The following KALRN variants were observed in gnomAD, a reference collection of about 807,000 sequenced individuals.
KALRN encodes the protein kalirin RhoGEF kinase.
In KALRN, 70 loss-of-function variants were observed where a neutral mutation model predicts 353.7. That is an observed-to-expected ratio of 0.20 (90% CI 0.16 to 0.24). The LOEUF is 0.24. Among genes scored for constraint, KALRN ranks in the 10% least tolerant of loss-of-function variants. The pLI, the probability that KALRN is intolerant of heterozygous loss-of-function variation, is 1.00. For synonymous variants in KALRN, 1,391 were observed against 1,434.8 expected (o/e 0.97, Z 0.69); for missense variants, 2,791 against 3,756.7 (o/e 0.74, Z 6.72).
At chr3:124,666,104 T>C (rs957229234) in intron 45 of KALRN, among the ~76,000 whole-genome samples, 5 of 152,178 alleles carry the variant, frequency 3.3e-5, no homozygotes, top group Non-Finnish European at 7.3e-5. Context: ...AAGTGTCACC[T>C]ACTTTCTATT....
chr3:124,224,751 G>A (rs1284287933), intron 1 of KALRN, among the ~76,000 whole-genome samples: 1 of 152,140 alleles, frequency 6.6e-6, no homozygotes, highest in Non-Finnish European at 1.5e-5. Context: ...ATCTTGTTAG[G>A]GAATTTATTC....
intron 27 of KALRN, among the ~76,000 whole-genome samples, chr3:124,479,865 A>C (rs2061803936): frequency 1.3e-5 from 2 of 151,818 alleles, no homozygotes; most frequent in Admixed American, 1.3e-4. Flanking sequence ...CTGGGACTAC[A>C]GGCACCCACC....
chr3:124,632,817 C>A, intron 35 of KALRN, 114 bp downstream of exon 35: 1 of 1,020,134 alleles, frequency 9.8e-7, no homozygotes, highest in East Asian at 2.4e-5. Context: ...TACCTTGAGC[C>A]TAAGTGATTT....
chr3:124,596,750 A>G (rs2076303091), intron 34 of KALRN, among the ~76,000 whole-genome samples: 1 of 152,152 alleles, frequency 6.6e-6, no homozygotes, highest in South Asian at 2.1e-4. Flanking sequence ...TATTACTATC[A>G]TTAATAAGTA....
intron 1 of KALRN, among the ~76,000 whole-genome samples, chr3:124,052,442 C>T (rs1171538342): frequency 6.6e-6 from 1 of 152,030 alleles, no homozygotes; most frequent in African/African-American, 2.4e-5. Flanking sequence ...TTCCAAGGTA[C>T]AGGGAGGACT....
At chr3:124,534,388 G>A (rs973853048) in intron 33 of KALRN, among the ~76,000 whole-genome samples, 2 of 152,148 alleles carry the variant, frequency 1.3e-5, no homozygotes, top group African/African-American at 4.8e-5. Flanking sequence ...TGGGGGGCCA[G>A]GGGAGGGAGA....
rs553087128 is a variant in KALRN, at chr3:124,249,218, G to A, written c.263+14275G>A. On this transcript the variant is annotated intron_variant, in intron 3 of 59. Coordinates refer to ENST00000682506, the MANE Select transcript of KALRN (RefSeq NM_001388419.1). ...TTGGCTGAATTTGCAGATTAATGGG[G>A]TGGGGAATGGGGGAGGGACCCAGTT... Among the ~76,000 whole-genome samples the A allele has an allele frequency of 5.8e-4, 89 of 152,326 alleles. 3 individuals carry two copies. The highest frequency in any genetic ancestry group is 1.2e-3 in the Admixed American group (19 of 15,300).
intron 33 of KALRN, among the ~76,000 whole-genome samples, chr3:124,520,490 C>G (rs1291578014): frequency 6.6e-6 from 1 of 152,060 alleles, no homozygotes; most frequent in Non-Finnish European, 1.5e-5. Flanking sequence ...GTCCCCAACC[C>G]CTGGGCTGCA....
chr3:124,203,411 T>C (rs1157941288), intron 1 of KALRN, among the ~76,000 whole-genome samples: 2 of 152,182 alleles, frequency 1.3e-5, no homozygotes, highest in Admixed American at 6.5e-5. Flanking sequence ...TTTCAGGTCA[T>C]GTAGTGAGTT....
At chr3:124,401,430 A>C (rs1388314811) in intron 13 of KALRN, among the ~76,000 whole-genome samples, 1 of 152,238 alleles carries the variant, frequency 6.6e-6, no homozygotes, top group Non-Finnish European at 1.5e-5. Context: ...ACTTGAGCCC[A>C]GGAGGCGGAG....
intron 45 of KALRN, among the ~76,000 whole-genome samples, chr3:124,662,927 C>T (rs777745138): frequency 2.1e-4 from 32 of 151,608 alleles, no homozygotes; most frequent in Non-Finnish European, 4.0e-4. Flanking sequence ...TGTATCTTCA[C>T]ATTCCCTTCC....
At chr3:124,594,756 C>T (rs1282713298) in intron 34 of KALRN, among the ~76,000 whole-genome samples, 1 of 152,084 alleles carries the variant, frequency 6.6e-6, no homozygotes, top group Non-Finnish European at 1.5e-5. Flanking sequence ...TCTGCAGGAC[C>T]AGTGAATGAT....
chr3:124,655,882 G>A (rs898845484), intron 39 of KALRN, among the ~76,000 whole-genome samples: 26 of 152,214 alleles, frequency 1.7e-4, no homozygotes, highest in Non-Finnish European at 3.4e-4. Flanking sequence ...TGGCCTGAAT[G>A]TTATAGCATT....
intron 10 of KALRN, among the ~76,000 whole-genome samples, chr3:124,382,710 C>T (rs190551989): frequency 1.1e-4 from 17 of 152,184 alleles, no homozygotes; most frequent in Admixed American, 5.2e-4. Flanking sequence ...AGGGTTCTTG[C>T]GGGGGGAATC....
rs1416820175 is a variant in KALRN, at chr3:124,113,724, C to G, written c.73+79911C>G. On this transcript the variant is annotated intron_variant, in intron 1 of 59. Transcript: ENST00000682506. ...AGAGGGGGCAGGTGCCCTGCTATCT[C>G]CTGCTGGCTCAGCCTGCGAGGCTCA... is the stretch of plus-strand genomic sequence containing the variant. 2.0e-5 allele frequency among the ~76,000 whole-genome samples: 3 copies of G among 152,348 alleles called. No individual in the cohort carries two copies. In the Middle Eastern group the frequency reaches 0.01, roughly 518 times the overall value.
chr3:124,423,229 C>T (rs964552440), intron 15 of KALRN, among the ~76,000 whole-genome samples: 3 of 152,230 alleles, frequency 2.0e-5, no homozygotes, highest in Non-Finnish European at 2.9e-5. Flanking sequence ...ACAATCCATT[C>T]CAGAGTTGTC....
chr3:124,619,143 A>G (rs1255463531), intron 34 of KALRN, among the ~76,000 whole-genome samples: 3 of 146,004 alleles, frequency 2.1e-5, no homozygotes, highest in Non-Finnish European at 4.5e-5. Flanking sequence ...TTTTTTTTTA[A>G]GATTCCACAT....
At chr3:124,056,769 T>C (rs2041585776) in intron 1 of KALRN, among the ~76,000 whole-genome samples, 1 of 152,210 alleles carries the variant, frequency 6.6e-6, no homozygotes, top group Non-Finnish European at 1.5e-5. Flanking sequence ...GGATGAGCTT[T>C]ACAAGCTAAG....
At chr3:124,318,982 G>C (rs542247044) in intron 6 of KALRN, among the ~76,000 whole-genome samples, 3 of 152,166 alleles carry the variant, frequency 2.0e-5, no homozygotes, top group East Asian at 3.9e-4. Context: ...TTTAAATAAA[G>C]TGGTTTTGTA....
Sources: gnomAD v4.1 joint callset for allele counts (sites outside exome capture counted in the v4.1 genomes callset) on GRCh38, gnomAD v4.1.1 for gene constraint, MANE v1.5 for transcripts, NCBI Gene and HGNC (gene_info 2026-07-23, HGNC 2026-07-21) for gene names.